Variants in PPM1E observed in about 807,000 individuals in gnomAD.
PPM1E encodes the protein protein phosphatase 1E.
PPM1E carries 20 observed loss-of-function variants against 65.9 expected under a neutral mutation model. The ratio of observed to expected loss-of-function variants is 0.30; its 90% confidence interval spans 0.21 to 0.44. The LOEUF is 0.44. Ranked by LOEUF, PPM1E falls within the 20% of genes least tolerant of loss-of-function variation. PPM1E has a pLI of 1.00. For missense variants in PPM1E, 713 were observed against 953.1 expected, an observed-to-expected ratio of 0.75 and a Z score of 3.32; for synonymous variants, 352 against 374.9, an observed-to-expected ratio of 0.94 and a Z score of 0.70.
chr17:58,956,058 A>G (rs1463802270), intron 2 of PPM1E, among the ~76,000 whole-genome samples: 2 of 152,180 alleles, frequency 1.3e-5, no homozygotes, highest in Non-Finnish European at 2.9e-5. Flanking sequence ...GATTAAAGTG[A>G]GGAATGTGAA....
At chr17:58,836,491 T>C (rs2143197308) in intron 1 of PPM1E, among the ~76,000 whole-genome samples, 1 of 147,384 alleles carries the variant, frequency 6.8e-6, no homozygotes, top group African/African-American at 2.5e-5. Context: ...TGAGACGGAG[T>C]CTTGCTCTGT....
intron 1 of PPM1E, among the ~76,000 whole-genome samples, chr17:58,850,215 C>G (rs2050812465): frequency 6.6e-6 from 1 of 152,034 alleles, no homozygotes; most frequent in Non-Finnish European, 1.5e-5. Context: ...ACTGATGGGT[C>G]TTGACTCTTT....
At chr17:58,842,175 C>T (rs1277532357) in intron 1 of PPM1E, among the ~76,000 whole-genome samples, 1 of 152,050 alleles carries the variant, frequency 6.6e-6, no homozygotes, top group South Asian at 2.1e-4. Context: ...GAGGGCCATC[C>T]TGTAGTATAC....
At chr17:58,770,640 G>A (rs2049928561) in intron 1 of PPM1E, among the ~76,000 whole-genome samples, 1 of 152,060 alleles carries the variant, frequency 6.6e-6, no homozygotes, top group African/African-American at 2.4e-5. Context: ...CCTCAATGTT[G>A]TTCAAACCAG....
chr17:58,803,125 G>A (rs1227088914), intron 1 of PPM1E, among the ~76,000 whole-genome samples: 2 of 152,102 alleles, frequency 1.3e-5, no homozygotes, highest in Non-Finnish European at 2.9e-5. Context: ...AGTAGAAATG[G>A]CAAAACTGAG....
At chr17:58,891,297 A>G (rs2051341214) in intron 1 of PPM1E, among the ~76,000 whole-genome samples, 1 of 152,032 alleles carries the variant, frequency 6.6e-6, no homozygotes, top group African/African-American at 2.4e-5. Flanking sequence ...GAATGAATCA[A>G]TAAGCCTCTC....
At chr17:58,762,664 G>A (rs963239640) in intron 1 of PPM1E, among the ~76,000 whole-genome samples, 14 of 152,076 alleles carry the variant, frequency 9.2e-5, no homozygotes, top group Non-Finnish European at 2.1e-4. Flanking sequence ...TTGGGAGGCC[G>A]AGGCGGGCGG....
At chr17:58,763,418 C>T (rs2049842698) in intron 1 of PPM1E, among the ~76,000 whole-genome samples, 1 of 152,016 alleles carries the variant, frequency 6.6e-6, no homozygotes, top group Admixed American at 6.6e-5. Flanking sequence ...CATATGACAC[C>T]ACCTGGGACC....
intron 1 of PPM1E, among the ~76,000 whole-genome samples, chr17:58,882,542 C>A (rs189256149): frequency 6.6e-6 from 1 of 152,184 alleles, no homozygotes; most frequent in East Asian, 1.9e-4. Flanking sequence ...AAGTGCGTGC[C>A]ACCACGCCTG....
intron 1 of PPM1E, among the ~76,000 whole-genome samples, chr17:58,921,788 C>T (rs2051754778): frequency 6.6e-6 from 1 of 150,468 alleles, no homozygotes; most frequent in Admixed American, 6.6e-5. Context: ...TGCCTGTAAT[C>T]CCAGCACTTT....
At chr17:58,891,832 C>CTTTTTTTTTT (rs5821250) in intron 1 of PPM1E, among the ~76,000 whole-genome samples, 8 of 85,460 alleles carry the variant, frequency 9.4e-5, no homozygotes, top group Admixed American at 3.0e-4. Flanking sequence ...TTTTCTTTTT[C>CTTTTTTTTTT]TTTTTTTTTT....
At chr17:58,974,505 G>T (rs151243617) in intron 6 of PPM1E, among the ~76,000 whole-genome samples, 111 of 152,204 alleles carry the variant, frequency 7.3e-4, no homozygotes, top group Non-Finnish European at 2.1e-4. Flanking sequence ...TAAGTTCAAA[G>T]AATTAAGCTA....
At chr17:58,978,159 TGGAAA>T (rs989197220) in intron 6 of PPM1E, among the ~76,000 whole-genome samples, 2 of 152,160 alleles carry the variant, frequency 1.3e-5, no homozygotes, top group African/African-American at 4.8e-5. Flanking sequence ...TTTAGTGCAA[TGGAAA>T]GGATAGTAAT....
intron 4 of PPM1E, among the ~76,000 whole-genome samples, chr17:58,971,237 T>G (rs2030596045): frequency 6.6e-6 from 1 of 152,148 alleles, no homozygotes; most frequent in Non-Finnish European, 1.5e-5. Flanking sequence ...GAACATTCTG[T>G]GTGGGAAGAC....
chr17:58,831,927 A>C (rs1293012707), intron 1 of PPM1E, among the ~76,000 whole-genome samples: 9 of 152,200 alleles, frequency 5.9e-5, no homozygotes, highest in African/African-American at 1.9e-4. Context: ...TGAAAGTCCA[A>C]CATTATTGCC....
Position 58,772,391 on chromosome 17 carries a change from G to A in PPM1E, c.464+15930G>A, listed in dbSNP as rs563042270. 1.0e-3 allele frequency among the ~76,000 whole-genome samples: 157 copies of A among 152,092 alleles called. 3 individuals are homozygous for A. The highest frequency in any genetic ancestry group is 2.2e-3 in the Admixed American group (34 of 15,232). ...GAATTGCTTGAACTTGGGAGGCAGA[G>A]GTTGCAGTGAGCCAAGATCGTGCTA... is the stretch of plus-strand genomic sequence containing the variant. On this transcript the variant is annotated intron_variant, in intron 1 of 6. Coordinates refer to ENST00000308249, the MANE Select transcript of PPM1E (RefSeq NM_014906.5).
At chr17:58,910,382 G>A (rs773739267) in intron 1 of PPM1E, among the ~76,000 whole-genome samples, 16 of 151,652 alleles carry the variant, frequency 1.1e-4, no homozygotes, top group African/African-American at 1.5e-4. Context: ...TGCTTATACC[G>A]CCCATCTCTT....
intron 1 of PPM1E, among the ~76,000 whole-genome samples, chr17:58,879,577 C>G (rs1177830393): frequency 1.6e-5 from 2 of 125,914 alleles, no homozygotes; most frequent in Non-Finnish European, 1.5e-5. Context: ...TGATGCTTGT[C>G]GGCTCACTGC....
chr17:58,945,938 G>C (rs2052144401), intron 1 of PPM1E, among the ~76,000 whole-genome samples: 2 of 152,080 alleles, frequency 1.3e-5, no homozygotes, highest in South Asian at 4.1e-4. Context: ...CATCTTTTAA[G>C]GATTTGCATG....
Sources: allele counts gnomAD v4.1 joint callset (sites outside exome capture counted in the v4.1 genomes callset), GRCh38; gene constraint gnomAD v4.1.1; transcripts MANE v1.5; gene names NCBI Gene and HGNC (gene_info 2026-07-23, HGNC 2026-07-21).